SMARCA4: variants seen among roughly 807,000 people sequenced by gnomAD.
SMARCA4 encodes the protein SWI/SNF-related matrix-associated actin-dependent regulator of chromatin subfamily A member 4.
In SMARCA4, 31 loss-of-function variants were observed where a neutral mutation model predicts 193.9. That is an observed-to-expected ratio of 0.16 (90% CI 0.12 to 0.22). SMARCA4 has a LOEUF of 0.22. Among genes scored for constraint, SMARCA4 ranks in the 10% least tolerant of loss-of-function variants. The probability of loss-of-function intolerance (pLI) is 1.00; values close to 1 mark genes in which losing one functional copy is unlikely to be tolerated. For synonymous variants in SMARCA4, 942 were observed against 933.1 expected (o/e 1.01, Z -0.17); for missense variants, 1,148 against 2,296.0 (o/e 0.50, Z 10.22).
intron 14 of SMARCA4, chr19:11,008,310 C>T: frequency 2.5e-6 from 1 of 393,382 alleles, no homozygotes; most frequent in Non-Finnish European, 5.0e-6. Context: ...CCTCCCTTTC[C>T]ACTACCCTCC....
chr19:11,024,547 T>TC (rs1382667982), intron 21 of SMARCA4, 109 bp downstream of exon 21: 3 of 751,284 alleles, frequency 4.0e-6, no homozygotes, highest in Non-Finnish European at 7.0e-6. Flanking sequence ...CTGGTCATGA[T>TC]CCCCAGGGCA....
In SMARCA4 at chr19:11,031,043, G is replaced by A. The variant is rs2074895198; in HGVS notation, c.3546+150G>A. 1 of 732,002 alleles carries A rather than the reference G, an allele frequency of 1.4e-6. No individual in the cohort carries two copies. The highest frequency in any genetic ancestry group is 2.4e-6 in the Non-Finnish European group (1 of 419,974). The allele number at this position is 732,002 out of a possible 1,614,324, so 45.3% of individuals were successfully genotyped here. A position where few individuals can be genotyped will look rare whatever the true frequency, so the allele number is the denominator to read the frequency against. ...AGGAGCTGCACCCATATCTCCATAG[G>A]TCATCAGGGAGAAAAGAGGCGGGGT... On this transcript the variant is annotated intron_variant, in intron 25 of 34. Transcript: ENST00000344626. This position sits in a 1 kb window ranked among gnomAD's most constrained non-coding sequence, Gnocchi z 4.3.
chr19:10,981,954 C>G, intron 1 of SMARCA4, among the ~76,000 whole-genome samples: 1 of 152,130 alleles, frequency 6.6e-6, no homozygotes, highest in South Asian at 2.1e-4. Flanking sequence ...CTCCACTGCA[C>G]TCCAGCTTGG....
Position 11,061,777 on chromosome 19 carries a change from T to C in SMARCA4, c.4912-7T>C, listed in dbSNP as rs545363765. ...ACGCACACTCTCTCCTCCTGTCCCC[T>C]CTCCAGGACCGCTCAGGAAGTGGCA... On this transcript the variant is annotated splice_polypyrimidine_tract_variant and splice_region_variant and intron_variant, in intron 34 of 34. Coordinates refer to ENST00000344626, the MANE Select transcript of SMARCA4 (RefSeq NM_003072.5). 6.2e-7 allele frequency: 1 copy of C among 1,613,514 alleles called. No homozygotes were observed. The highest frequency in any genetic ancestry group is 1.1e-5 in the South Asian group (1 of 91,068).
Position 11,062,115 on chromosome 19 carries a change from C to G in SMARCA4, c.*299C>G. 1 of 501,260 alleles carries G rather than the reference C, an allele frequency of 2.0e-6. No homozygotes were observed. The allele number at this position is 501,260 out of a possible 1,614,324, so 31.1% of individuals were successfully genotyped here. On this transcript the variant is annotated 3_prime_UTR_variant, in exon 35 of 35. Transcript: ENST00000344626. ...TCCGTTGCTGGCAGTACTGTTGCGC[C>G]GCAGTTTGGAGTCACTGTAGTTAAG...
chr19:11,010,236 T>G, intron 14 of SMARCA4, 145 bp from the exon 15 acceptor site: 6 of 939,642 alleles, frequency 6.4e-6, no homozygotes, highest in Non-Finnish European at 1.0e-5. Flanking sequence ...CCTCACACTG[T>G]CCGGCTGCAC....
chr19:11,050,209 A>G (rs1190839458), intron 30 of SMARCA4, among the ~76,000 whole-genome samples: 1 of 152,232 alleles, frequency 6.6e-6, no homozygotes, highest in Non-Finnish European at 1.5e-5. Flanking sequence ...GCTGCAGACT[A>G]TGCTCGGGCA....
At position 11,036,566 on chromosome 19, in the gene SMARCA4, G is replaced by T. The variant is rs2075283342; in HGVS notation, c.4170+1434G>T. ...GAGCCACGGTGCCCAGCTCAGCCCTGCATATTTGAGGCAGTGAGTACCTTT... is the reference window on the plus strand; with the variant it reads ...GAGCCACGGTGCCCAGCTCAGCCCTTCATATTTGAGGCAGTGAGTACCTTT... On this transcript the variant is annotated intron_variant, in intron 29 of 34. Transcript: ENST00000344626. Among the ~76,000 whole-genome samples, 12 of 152,308 alleles carry T rather than the reference G, an allele frequency of 7.9e-5. 1 individual carries two copies. Among genetic ancestry groups the T allele is most frequent in the Admixed American group, 6.5e-4 (10 of 15,292 alleles).
At chr19:11,061,745 G>T (rs1448450821) in intron 34 of SMARCA4, 39 bp from the exon 35 acceptor site, 1 of 1,607,374 alleles carries the variant, frequency 6.2e-7, no homozygotes, top group Non-Finnish European at 8.5e-7. Flanking sequence ...CCTGGCAGGG[G>T]TGGCCAACGC....
chr19:10,987,124 GT>G lies in SMARCA4; in HGVS notation c.859+122del. The G allele has an allele frequency of 1.3e-6, 1 of 741,850 alleles. No homozygotes were observed. Among genetic ancestry groups the G allele is most frequent in the Non-Finnish European group, 2.4e-6 (1 of 424,596 alleles). The allele number at this position is 741,850 out of a possible 1,614,324, so 46.0% of individuals were successfully genotyped here. A position where few individuals can be genotyped will look rare whatever the true frequency, so the allele number is the denominator to read the frequency against. ...GGGTGGTCAGGCTGAACTGCAGCCT[GT>G]ACTTTTCTTGTGGTGGTCCCCGGGT... On this transcript the variant is annotated intron_variant, in intron 5 of 34. Transcript: ENST00000344626. The surrounding 1 kb of genome is among the most constrained non-coding windows in gnomAD (Gnocchi z 5.3).
rs748459210 is a variant in SMARCA4 at position 10,987,699 on chromosome 19, C to A, written c.893C>A (p.Thr298Asn). 3.7e-6 allele frequency: 6 copies of A among 1,612,594 alleles called. No individual in the cohort carries two copies. The highest frequency in any genetic ancestry group is 3.4e-6 in the Non-Finnish European group (4 of 1,179,528). Residue 298 changes from threonine to asparagine, a missense_variant, in exon 6 of 35, where the codon ACC becomes AAC. This residue lies in a region of SMARCA4 where 257 missense variants were observed against 276.5 expected (regional missense o/e 0.93). Coordinates refer to ENST00000344626, the MANE Select transcript of SMARCA4 (RefSeq NM_003072.5). This position sits in a 1 kb window ranked among gnomAD's most constrained non-coding sequence, Gnocchi z 5.3. ...PMANAAAPTSTPQKLIPPQPT... is the reference protein window; with the variant it reads ...PMANAAAPTSNPQKLIPPQPT... ...GCGAATGCTGCTGCCCCCACGAGCA[C>A]CCCTCAGAAGCTGATTCCCCCGCAG... is the stretch of plus-strand genomic sequence containing the variant.
At chr19:11,013,159 C>T (rs1405211028) in intron 16 of SMARCA4, 47 bp downstream of exon 16, 2 of 1,601,850 alleles carry the variant, frequency 1.2e-6, no homozygotes, top group African/African-American at 1.3e-5. Context: ...TCACACGCTC[C>T]TGTGTTTGTT....
chr19:11,025,354 CAT>C, intron 21 of SMARCA4, 66 bp from the exon 22 acceptor site: 1 of 1,009,308 alleles, frequency 9.9e-7, no homozygotes, highest in Non-Finnish European at 1.6e-6. Context: ...AACACCCACC[CAT>C]CCACCAAGCC....
intron 11 of SMARCA4, among the ~76,000 whole-genome samples, chr19:10,999,368 A>C (rs1396612477): frequency 6.6e-6 from 1 of 152,030 alleles, no homozygotes; most frequent in African/African-American, 2.4e-5. Context: ...TATATATTAA[A>C]ACTTGTGGCT....
intron 23 of SMARCA4, 151 bp downstream of exon 23, chr19:11,026,497 CTTTTTTT>C: frequency 9.6e-6 from 4 of 414,892 alleles, no homozygotes; most frequent in Middle Eastern, 6.9e-4. Flanking sequence ...TAATACAAAT[CTTTTTTT>C]TTTTTTTTTT....
chr19:11,019,421 G>T lies in SMARCA4; in HGVS notation c.2506-170G>T, dbSNP rs767215525. The T allele has an allele frequency of 5.0e-5, 32 of 638,376 alleles. No homozygotes were observed. The highest frequency in any genetic ancestry group is 9.1e-5 in the Non-Finnish European group (32 of 352,908). The allele number at this position is 638,376 out of a possible 1,614,324, so 39.5% of individuals were successfully genotyped here. A position where few individuals can be genotyped will look rare whatever the true frequency, so the allele number is the denominator to read the frequency against. On this transcript the variant is annotated intron_variant, in intron 17 of 34. Coordinates refer to ENST00000344626, the MANE Select transcript of SMARCA4 (RefSeq NM_003072.5). This position sits in a 1 kb window ranked among gnomAD's most constrained non-coding sequence, Gnocchi z 6.1. Reference sequence around the variant, plus strand: ...CCCCCTGCAGCGCGTGTTCTGCGTGGTGAGGTCTGGGGACGCGCCAGCGGC... The same window carrying T: ...CCCCCTGCAGCGCGTGTTCTGCGTGTTGAGGTCTGGGGACGCGCCAGCGGC...
At chr19:11,049,144 G>A (rs2076113186) in intron 30 of SMARCA4, among the ~76,000 whole-genome samples, 1 of 152,168 alleles carries the variant, frequency 6.6e-6, no homozygotes, top group South Asian at 2.1e-4. Context: ...TGTCCACTGG[G>A]AGGAGAGGGA....
intron 25 of SMARCA4, among the ~76,000 whole-genome samples, chr19:11,032,833 G>A (rs1035871740): frequency 1.6e-4 from 25 of 152,210 alleles, no homozygotes; most frequent in African/African-American, 5.8e-4. Flanking sequence ...GCTCACAGAG[G>A]TGAGACCTGG....
At chr19:11,059,119 A>T in intron 32 of SMARCA4, 3 of 506,280 alleles carry the variant, frequency 5.9e-6, no homozygotes, top group Non-Finnish European at 1.1e-5. Context: ...TAAAAAAAAA[A>T]AAGAAAAAAT....
Sources: gnomAD v4.1 joint callset for allele counts (sites outside exome capture counted in the v4.1 genomes callset) on GRCh38, gnomAD v4.1.1 for gene constraint, gnomAD v4.1.1 regional missense constraint, Gnocchi (gnomAD v3.1) non-coding constraint, MANE v1.5 for transcripts, NCBI Gene and HGNC (gene_info 2026-07-23, HGNC 2026-07-21) for gene names.